The following MEX3D variants were observed in gnomAD, a reference collection of about 807,000 sequenced individuals.
MEX3D encodes the protein RNA-binding protein MEX3D.
MEX3D carries 4 observed loss-of-function variants against 6.3 expected under a neutral mutation model. The observed-to-expected ratio is 0.64, with a 90% CI of 0.31 to 1.46. The LOEUF is 1.46. Ranked by LOEUF, MEX3D falls within the 40% of genes most tolerant of loss-of-function variation. The pLI is 0.07. For missense variants in MEX3D, 1,038 were observed against 994.4 expected (o/e 1.04, Z -0.59); for synonymous variants, 626 against 494.1 (o/e 1.27, Z -3.54).
intron 1 of MEX3D, among the ~76,000 whole-genome samples, chr19:1,557,226 G>A (rs550051224): frequency 5.3e-5 from 8 of 152,238 alleles, no homozygotes; most frequent in African/African-American, 1.7e-4. Flanking sequence ...TTTCCCCCAA[G>A]TTCACAAGCT....
rs1914908730 is a variant in MEX3D at position 1,568,255 on chromosome 19, C to A, written c.-197G>T. ...GCCGGGCCGGGCCGGGCGGCGGCAG[C>A]GACTCTGGCTGCGGCTCGGCGGCGG... is the stretch of plus-strand genomic sequence containing the variant. On this transcript the variant is annotated 5_prime_UTR_variant, in exon 1 of 2. Coordinates refer to ENST00000402693, the MANE Select transcript of MEX3D (RefSeq NM_203304.4). 7.1e-6 allele frequency among the ~76,000 whole-genome samples: 1 copy of A among 140,888 alleles called. No individual in the cohort carries two copies. The highest frequency in any genetic ancestry group is 2.2e-4 in the South Asian group (1 of 4,550). 92.4% of individuals were successfully genotyped at this position (140,888 alleles called of 152,430 possible).
Position 1,567,129 on chromosome 19 carries a change from C to T in MEX3D, c.595+335G>A, listed in dbSNP as rs1299001021. 6.6e-5 allele frequency among the ~76,000 whole-genome samples: 10 copies of T among 152,042 alleles called. No homozygotes were observed. The highest frequency in any genetic ancestry group is 1.9e-4 in the East Asian group (1 of 5,184). On this transcript the variant is annotated intron_variant, in intron 1 of 1. Transcript: ENST00000402693. This position sits in a 1 kb window ranked among gnomAD's most constrained non-coding sequence, Gnocchi z 6.5. ...GGCGCCCCCCGCCCGGCCGGAGCCCCGGGCCCTCGAGCCCCTCTCTGGGGT... is the reference window on the plus strand; with the variant it reads ...GGCGCCCCCCGCCCGGCCGGAGCCCTGGGCCCTCGAGCCCCTCTCTGGGGT...
chr19:1,566,785 A>C (rs1914852598), intron 1 of MEX3D, among the ~76,000 whole-genome samples: 1 of 151,992 alleles, frequency 6.6e-6, no homozygotes, highest in African/African-American at 2.4e-5. Flanking sequence ...GGGCGGCCAG[A>C]GGGAAGCTCC....
rs1446028316 is a variant in MEX3D, at chr19:1,556,452, G to A, written c.1067C>T (p.Ala356Val). The change falls in exon 2 of 2, where the codon GCC becomes GTC. Residue 356 changes from alanine to valine, a missense_variant. By Grantham distance (64) the Ala-to-Val change is moderately conservative. This residue lies in a region of MEX3D where 581 missense variants were observed against 516.2 expected (regional missense o/e 1.13). Transcript: ENST00000402693. The surrounding 1 kb of genome is among the most constrained non-coding windows in gnomAD (Gnocchi z 7.5). ...TDAGPDSDFH[A>V]NGTDVCLDLL... ...GTCCAGGCAGACGTCGGTGCCGTTGGCGTGGAAGTCGCTGTCGGGGCCCGC... is the reference window on the plus strand; with the variant it reads ...GTCCAGGCAGACGTCGGTGCCGTTGACGTGGAAGTCGCTGTCGGGGCCCGC... 4.4e-6 allele frequency: 7 copies of A among 1,598,678 alleles called. No homozygotes were observed. In the South Asian group the frequency reaches 5.5e-5, roughly 13 times the overall value.
Position 1,555,918 on chromosome 19 carries a change from G to T in MEX3D, c.1601C>A (p.Ala534Asp). 8.3e-7 allele frequency: 1 copy of T among 1,201,172 alleles called. No individual in the cohort carries two copies. The highest frequency in any genetic ancestry group is 1.0e-6 in the Non-Finnish European group (1 of 968,162). 74.4% of individuals were successfully genotyped at this position (1,201,172 alleles called of 1,614,324 possible). The change falls in exon 2 of 2, where the codon GCC becomes GAC. Residue 534 changes from alanine (A) to aspartate (D), a missense_variant. Ala to Asp is a moderately radical substitution (Grantham distance 126, BLOSUM62 -2). Transcript: ENST00000402693. ...RLELPLSRRG[A>D]PDPVGALSWR... ...GGACAGCGCGCCCACCGGGTCCGGG[G>T]CGCCACGGCGAGACAGCGGGAGCTC...
chr19:1,564,866 G>GC (rs1327346903), intron 1 of MEX3D, among the ~76,000 whole-genome samples: 1 of 152,134 alleles, frequency 6.6e-6, no homozygotes. Flanking sequence ...AAGGGGCAGG[G>GC]CCGGGGCACA....
intron 1 of MEX3D, among the ~76,000 whole-genome samples, chr19:1,559,066 C>A (rs186851163): frequency 6.6e-6 from 1 of 151,814 alleles, no homozygotes; most frequent in Non-Finnish European, 1.5e-5. Context: ...TAGCTCACTG[C>A]AGCCTTCAAC....
At chr19:1,563,075 C>T (rs1371320982) in intron 1 of MEX3D, among the ~76,000 whole-genome samples, 3 of 152,170 alleles carry the variant, frequency 2.0e-5, no homozygotes, top group South Asian at 2.1e-4. Flanking sequence ...ACTGTACTAA[C>T]GCCAGAACTC....
chr19:1,555,861 G>C lies in MEX3D; in HGVS notation c.1658C>G (p.Pro553Arg). Residue 553 changes from proline (P) to arginine (R), a missense_variant, in exon 2 of 2, where the codon CCA (proline) becomes CGA (arginine). Pro to Arg is a moderately radical substitution (Grantham distance 103). Around this residue, in one of 5 missense-constraint regions of MEX3D, gnomAD observed 581 missense variants for 516.2 expected, o/e 1.13. Transcript: ENST00000402693. ...WRPPQGPVSF[P>R]GGAAFSTATS... ...GGCCGTGGAGAAGGCGGCGCCGCCT[G>C]GGAAGGATACGGGGCCCTGCGGGGG... is the stretch of plus-strand genomic sequence containing the variant. 1 of 1,330,442 alleles carries C rather than the reference G, an allele frequency of 7.5e-7. No individual in the cohort carries two copies. Among genetic ancestry groups the C allele is most frequent in the Non-Finnish European group, 9.6e-7 (1 of 1,045,718 alleles). 82.4% of individuals were successfully genotyped at this position (1,330,442 alleles called of 1,614,324 possible). A position where few individuals can be genotyped will look rare whatever the true frequency, so the allele number is the denominator to read the frequency against.
At position 1,555,686 on chromosome 19, in the gene MEX3D, C is replaced by G. The variant is rs780349897; in HGVS notation, c.1833G>C (p.Ala611=). The G allele has an allele frequency of 1.9e-6, 3 of 1,571,872 alleles. No homozygotes were observed. The African/African-American group carries it at 4.1e-5, about 21-fold the overall frequency. ...VVCAEGEVMA[A]LVPCGHNLFC... ...AGAGGTTGTGGCCGCAGGGGACCAG[C>G]GCAGCCATCACCTCGCCCTCGGCGC... Residue 611 remains alanine, a synonymous_variant, in exon 2 of 2, where the codon GCG becomes GCC. Transcript: ENST00000402693.
At chr19:1,563,703 TCTCCCAGACAGGGCTGC>T (rs567306061) in intron 1 of MEX3D, among the ~76,000 whole-genome samples, 2 of 152,224 alleles carry the variant, frequency 1.3e-5, no homozygotes, top group African/African-American at 4.8e-5. Flanking sequence ...ACTTTGCCTG[TCTCCCAGACAGGGCTGC>T]CTCCCCTCAC....
chr19:1,556,640 G>A lies in MEX3D; in HGVS notation c.879C>T (p.Gly293=). ...RVVGLVVGPK[G]ATIKRIQQRT... ...GCTGCTGGATGCGCTTGATGGTGGC[G>A]CCCTTGGGCCCCACCACCAGCCCCA... Residue 293 remains glycine, a synonymous_variant, in exon 2 of 2, where the codon GGC becomes GGT. Transcript: ENST00000402693. The surrounding 1 kb of genome is among the most constrained non-coding windows in gnomAD (Gnocchi z 7.5). The A allele has an allele frequency of 1.2e-6, 2 of 1,610,448 alleles. No homozygotes were observed. The highest frequency in any genetic ancestry group is 2.2e-5 in the East Asian group (1 of 44,818).
Position 1,555,409 on chromosome 19 carries a change from T to TGTAAA in MEX3D, c.*153_*154insTTTAC. 2 of 1,599,160 alleles carry TGTAAA rather than the reference T, an allele frequency of 1.3e-6. No homozygotes were observed. Among genetic ancestry groups the TGTAAA allele is most frequent in the South Asian group, 2.2e-5 (2 of 89,908 alleles). On this transcript the variant is annotated 3_prime_UTR_variant, in exon 2 of 2. Transcript: ENST00000402693. ...CCACGCCTGAGGCGGCAGTTAAAGC[T>TGTAAA]CATCTGTAAACACTGGCCGCCGCCC...
rs963473070 is a variant in MEX3D, at chr19:1,567,581, G to A, written c.478C>T (p.Pro160Ser). 6.0e-6 allele frequency: 9 copies of A among 1,492,348 alleles called. No individual in the cohort carries two copies. The African/African-American group carries it at 1.2e-4, about 19-fold the overall frequency. The allele number at this position is 1,492,348 out of a possible 1,614,324, so 92.4% of individuals were successfully genotyped here. A position where few individuals can be genotyped will look rare whatever the true frequency, so the allele number is the denominator to read the frequency against. Reference sequence around the variant, plus strand: ...CTCATCTGGTCGGCCAGCAGCGTCGGGGGCCCCAGGGCCGCGGGGTGGGGC... The same window carrying A: ...CTCATCTGGTCGGCCAGCAGCGTCGAGGGCCCCAGGGCCGCGGGGTGGGGC... ...FAPHPAALGP[P>S]TLLADQMSVI... The change falls in exon 1 of 2, where the codon CCG (proline) becomes TCG (serine). Residue 160 changes from proline (P) to serine (S), a missense_variant. Around this residue, in one of 5 missense-constraint regions of MEX3D, gnomAD observed 265 missense variants for 206.3 expected, o/e 1.28. Coordinates refer to ENST00000402693, the MANE Select transcript of MEX3D (RefSeq NM_203304.4). The surrounding 1 kb of genome is among the most constrained non-coding windows in gnomAD (Gnocchi z 6.5).
At chr19:1,566,480 G>C (rs1914843347) in intron 1 of MEX3D, among the ~76,000 whole-genome samples, 1 of 152,112 alleles carries the variant, frequency 6.6e-6, no homozygotes, top group African/African-American at 2.4e-5. Flanking sequence ...GGGACCCCCA[G>C]CCCAAGTGTC....
In MEX3D at chr19:1,568,054, G is replaced by C. The variant is rs908402061; in HGVS notation, c.5C>G (p.Pro2Arg). 10 of 979,314 alleles carry C rather than the reference G, an allele frequency of 1.0e-5. No individual in the cohort carries two copies. The African/African-American group carries it at 1.4e-4, about 14-fold the overall frequency. 60.7% of individuals were successfully genotyped at this position (979,314 alleles called of 1,614,324 possible). ...GCCGTCGGGCTGGCCGAGCGAGCTGGGCATGGCGGGAGCTAGCGCTGGGGC... is the reference window on the plus strand; with the variant it reads ...GCCGTCGGGCTGGCCGAGCGAGCTGCGCATGGCGGGAGCTAGCGCTGGGGC... M[P>R]SSLGQPDGGG... Residue 2 changes from proline to arginine, a missense_variant, in exon 1 of 2, where the codon CCC (proline) becomes CGC (arginine). This residue lies in a region of MEX3D where 265 missense variants were observed against 206.3 expected (regional missense o/e 1.28). Coordinates refer to ENST00000402693, the MANE Select transcript of MEX3D (RefSeq NM_203304.4).
chr19:1,555,809 G>A lies in MEX3D; in HGVS notation c.1710C>T (p.Ala570=), dbSNP rs1182563444. 2.2e-6 allele frequency: 3 copies of A among 1,376,968 alleles called. No individual in the cohort carries two copies. The highest frequency in any genetic ancestry group is 1.5e-5 in the African/African-American group (1 of 64,776). 85.3% of individuals were successfully genotyped at this position (1,376,968 alleles called of 1,614,324 possible). A position where few individuals can be genotyped will look rare whatever the true frequency, so the allele number is the denominator to read the frequency against. Residue 570 remains alanine (A), a synonymous_variant, in exon 2 of 2, where the codon GCC becomes GCT. Transcript: ENST00000402693. ...CGGAGTCCAGGGGGGCGCAGGCGGC[G>A]GCCGCGGGGCTGCTGGGCAGCGAGG... ...TATSLPSSPA[A]AACAPLDSGA...
At position 1,556,999 on chromosome 19, in the gene MEX3D, G is replaced by T. The variant is rs1213330399; in HGVS notation, c.596-76C>A. 7.3e-6 allele frequency: 11 copies of T among 1,497,660 alleles called. No individual in the cohort carries two copies. Among genetic ancestry groups the T allele is most frequent in the Non-Finnish European group, 9.8e-6 (11 of 1,127,072 alleles). The allele number at this position is 1,497,660 out of a possible 1,614,324, so 92.8% of individuals were successfully genotyped here. A position where few individuals can be genotyped will look rare whatever the true frequency, so the allele number is the denominator to read the frequency against. ...CTCAGCCCCGCTGGGCATGCAGGCT[G>T]CAGGGCCAGTGAGGGAGCCCCTACC... On this transcript the variant is annotated intron_variant, in intron 1 of 1. Coordinates refer to ENST00000402693, the MANE Select transcript of MEX3D (RefSeq NM_203304.4). The surrounding 1 kb of genome is among the most constrained non-coding windows in gnomAD (Gnocchi z 7.5).
chr19:1,555,721 A>G lies in MEX3D; in HGVS notation c.1798T>C (p.Cys600Arg). ...ACCTCGCCCTCGGCGCACACCACGC[A>G]CTCTCGCGCCAGGGCCGGGGCCGAG... ...ASSAPALARE[C>R]VVCAEGEVMA... The change falls in exon 2 of 2, where the codon TGC becomes CGC. Residue 600 changes from cysteine to arginine, a missense_variant. Transcript: ENST00000402693. 1 of 1,534,084 alleles carries G rather than the reference A, an allele frequency of 6.5e-7. No homozygotes were observed. Among genetic ancestry groups the G allele is most frequent in the Non-Finnish European group, 8.7e-7 (1 of 1,146,952 alleles).
Sources: gnomAD v4.1 joint callset for allele counts (sites outside exome capture counted in the v4.1 genomes callset) on GRCh38, gnomAD v4.1.1 for gene constraint, gnomAD v4.1.1 regional missense constraint, Gnocchi (gnomAD v3.1) non-coding constraint, MANE v1.5 for transcripts, NCBI Gene and HGNC (gene_info 2026-07-23, HGNC 2026-07-21) for gene names.